DACH2: variants seen among roughly 807,000 people sequenced by gnomAD.
DACH2 encodes the protein dachshund family transcription factor 2, also known as dachshund homolog 2.
DACH2 carries 17 observed loss-of-function variants against 35.8 expected under a neutral mutation model. The ratio of observed to expected loss-of-function variants is 0.48; its 90% CI spans 0.33 to 0.71. The LOEUF is 0.71. DACH2 is among the 30% of genes least tolerant of loss of function. DACH2 has a pLI of 0.02. For synonymous variants in DACH2, 195 were observed against 177.3 expected (o/e 1.10, Z -0.79); for missense variants, 469 against 472.7 (o/e 0.99, Z 0.07).
chrX:86,595,620 A>G (rs1185463204), intron 3 of DACH2, among the ~76,000 whole-genome samples: 1 of 110,454 alleles, frequency 9.1e-6, no homozygotes, highest in Non-Finnish European at 1.9e-5. Flanking sequence ...TTATTGATAT[A>G]GTTGGTTAAT....
At chrX:86,737,922 C>T (rs1004648895) in intron 6 of DACH2, among the ~76,000 whole-genome samples, 1 of 110,830 alleles carries the variant, frequency 9.0e-6, no homozygotes, top group African/African-American at 3.3e-5. Context: ...CTCTCTACCC[C>T]CTCTAGAAGT....
At chrX:86,383,895 A>T (rs951128036) in intron 2 of DACH2, among the ~76,000 whole-genome samples, 3 of 110,806 alleles carry the variant, frequency 2.7e-5, no homozygotes, top group African/African-American at 6.5e-5. Context: ...CGTGTAGCAT[A>T]ATAATGTAAT....
At chrX:86,446,173 T>C (rs2037270935) in intron 2 of DACH2, among the ~76,000 whole-genome samples, 1 of 111,150 alleles carries the variant, frequency 9.0e-6, no homozygotes, top group East Asian at 2.8e-4. Flanking sequence ...GCTACTCCTC[T>C]CTTTTGGTTT....
chrX:86,549,982 A>G (rs2039026929), intron 3 of DACH2, among the ~76,000 whole-genome samples: 1 of 111,515 alleles, frequency 9.0e-6, no homozygotes, highest in South Asian at 3.7e-4. Context: ...TTATTTATCA[A>G]TCAAAGATGA....
chrX:86,787,808 C>A (rs991981941), intron 7 of DACH2, among the ~76,000 whole-genome samples: 1 of 111,369 alleles, frequency 9.0e-6, no homozygotes, highest in African/African-American at 3.3e-5. Flanking sequence ...TCAATTCTTT[C>A]CTCCTCCAAA....
chrX:86,454,854 C>G (rs185787555), intron 2 of DACH2, among the ~76,000 whole-genome samples: 32 of 112,133 alleles, frequency 2.9e-4, no homozygotes, highest in Admixed American at 2.8e-3. Context: ...AAGAGGCACT[C>G]TGGTTTTTTT....
intron 1 of DACH2, among the ~76,000 whole-genome samples, chrX:86,219,860 A>T (rs1443123344): frequency 9.1e-6 from 1 of 109,604 alleles, no homozygotes; most frequent in Non-Finnish European, 1.9e-5. Flanking sequence ...CATCACCTCC[A>T]AAAGTTTTCT....
intron 1 of DACH2, among the ~76,000 whole-genome samples, chrX:86,325,972 C>T (rs766785645): frequency 2.7e-5 from 3 of 110,449 alleles, no homozygotes; most frequent in South Asian, 3.8e-4. Flanking sequence ...TAATATATCT[C>T]TAAATGAGTT....
At chrX:86,605,270 T>A (rs1393489659) in intron 3 of DACH2, among the ~76,000 whole-genome samples, 1 of 111,642 alleles carries the variant, frequency 9.0e-6, no homozygotes, top group Non-Finnish European at 1.9e-5. Flanking sequence ...TGTTTCTATC[T>A]GAAACCCCCC....
At chrX:86,715,168 A>G (rs2041321889) in intron 6 of DACH2, among the ~76,000 whole-genome samples, 1 of 111,599 alleles carries the variant, frequency 9.0e-6, no homozygotes, top group African/African-American at 3.3e-5. Flanking sequence ...GAACTTGGGT[A>G]TGACAGCCCT....
intron 1 of DACH2, among the ~76,000 whole-genome samples, chrX:86,311,065 C>T (rs2034790454): frequency 8.9e-6 from 1 of 111,805 alleles, no homozygotes; most frequent in Admixed American, 9.5e-5. Flanking sequence ...ACACCAAGCC[C>T]TTGATATAGC....
chrX:86,260,867 G>C lies in DACH2; in HGVS notation c.488+111759G>C, dbSNP rs190179546. ...TTCACATCATGGTGTCTCCTATTAAGGGATGGAGTTAATGTGTTTGCAGAG... is the reference window on the plus strand; with the variant it reads ...TTCACATCATGGTGTCTCCTATTAACGGATGGAGTTAATGTGTTTGCAGAG... On this transcript the variant is annotated intron_variant, in intron 1 of 11. Coordinates refer to ENST00000373125, the MANE Select transcript of DACH2 (RefSeq NM_053281.3). 5.5e-3 allele frequency among the ~76,000 whole-genome samples: 613 copies of C among 111,525 alleles called. 4 individuals are homozygous for C. Among genetic ancestry groups the C allele is most frequent in the African/African-American group, 0.019 (571 of 30,723 alleles).
At chrX:86,655,840 T>C (rs767347942) in intron 4 of DACH2, among the ~76,000 whole-genome samples, 38 of 111,252 alleles carry the variant, frequency 3.4e-4, no homozygotes, top group Admixed American at 7.7e-4. Context: ...TCTAAGATAA[T>C]CAAAAAGATT....
intron 2 of DACH2, among the ~76,000 whole-genome samples, chrX:86,501,428 A>G (rs772561156): frequency 2.0e-4 from 23 of 112,302 alleles, no homozygotes; most frequent in African/African-American, 6.8e-4. Flanking sequence ...ACAGCCATTA[A>G]CTTTCTGGAA....
chrX:86,803,427 T>C (rs1003853911), intron 7 of DACH2, among the ~76,000 whole-genome samples: 1 of 111,951 alleles, frequency 8.9e-6, no homozygotes, highest in African/African-American at 3.2e-5. Context: ...ATTTATTTTA[T>C]TGGAGAGACT....
intron 3 of DACH2, among the ~76,000 whole-genome samples, chrX:86,563,713 G>T (rs2039256556): frequency 9.1e-6 from 1 of 110,072 alleles, no homozygotes; most frequent in African/African-American, 3.3e-5. Context: ...TGTGTCCTTA[G>T]GAAAGTCTTT....
chrX:86,415,673 C>T (rs2036692348), intron 2 of DACH2, among the ~76,000 whole-genome samples: 1 of 111,355 alleles, frequency 9.0e-6, no homozygotes, highest in Non-Finnish European at 1.9e-5. Context: ...AAGATTTTCC[C>T]CAAAATTATA....
chrX:86,200,635 CAAAAAAA>C (rs56012558), intron 1 of DACH2, among the ~76,000 whole-genome samples: 2 of 47,696 alleles, frequency 4.2e-5, no homozygotes, highest in Admixed American at 2.9e-4. Flanking sequence ...TGAACTTTTC[CAAAAAAA>C]AAAAAAAAAA....
intron 1 of DACH2, among the ~76,000 whole-genome samples, chrX:86,218,951 A>G (rs1480903597): frequency 8.9e-6 from 1 of 112,020 alleles, no homozygotes; most frequent in African/African-American, 3.2e-5. Context: ...CTTCTTTAAT[A>G]TCCTGATAAA....
Sources: gnomAD v4.1 joint callset for allele counts (sites outside exome capture counted in the v4.1 genomes callset) on GRCh38, gnomAD v4.1.1 for gene constraint, MANE v1.5 for transcripts, NCBI Gene and HGNC (gene_info 2026-07-23, HGNC 2026-07-21) for gene names.